Variants in DGKH observed in about 807,000 individuals in gnomAD.
DGKH encodes diacylglycerol kinase eta, also known as DAG kinase eta.
A neutral mutation model predicts 159.3 loss-of-function variants in DGKH; 90 were observed. That is an observed-to-expected ratio of 0.57 (90% CI 0.48 to 0.67). The LOEUF is 0.67. Ranked by LOEUF, DGKH falls within the 30% of genes least tolerant of loss-of-function variation. The pLI, the probability that DGKH is intolerant of heterozygous loss-of-function variation, is 0.00. For missense variants in DGKH, 1,181 were observed against 1,506.1 expected, an observed-to-expected ratio of 0.78 and a Z score of 3.57; for synonymous variants, 536 against 553.8, an observed-to-expected ratio of 0.97 and a Z score of 0.45.
At chr13:42,066,827 A>T (rs1237242161) in intron 1 of DGKH, 2 of 152,102 alleles carry the variant, frequency 1.3e-5, no homozygotes. Flanking sequence ...AAATGTTATG[A>T]TGTGCATTAT....
intron 1 of DGKH, chr13:42,069,739 G>T: frequency 1.8e-6 from 2 of 1,111,808 alleles, no homozygotes; most frequent in Non-Finnish European, 2.6e-6. Context: ...ATCTAAATAT[G>T]ATCATGACCT....
intron 1 of DGKH, among the ~76,000 whole-genome samples, chr13:42,061,219 A>T (rs956361173): frequency 6.6e-6 from 1 of 152,068 alleles, no homozygotes; most frequent in East Asian, 1.9e-4. Flanking sequence ...GCCCCACCCT[A>T]ATCTTCTTAT....
chr13:42,225,183 A>T, intron 29 of DGKH: 2 of 1,167,352 alleles, frequency 1.7e-6, no homozygotes, highest in Non-Finnish European at 2.4e-6. Flanking sequence ...TTGGCCTCCT[A>T]CAATGCTGGG....
At chr13:42,099,036 G>C (rs1013461452) in intron 1 of DGKH, among the ~76,000 whole-genome samples, 2 of 152,314 alleles carry the variant, frequency 1.3e-5, no homozygotes, top group Non-Finnish European at 2.9e-5. Flanking sequence ...TGTGGGCCAG[G>C]ATAGCAAGAG....
At chr13:42,078,909 CTTTTTTTTTT>C (rs55801562) in intron 1 of DGKH, among the ~76,000 whole-genome samples, 1 of 93,576 alleles carries the variant, frequency 1.1e-5, no homozygotes, top group African/African-American at 4.9e-5. Flanking sequence ...GTATATTCTC[CTTTTTTTTTT>C]TTTTTTTTTT....
At chr13:42,159,192 A>G (rs2274287) in intron 5 of DGKH, 74 bp from the exon 6 acceptor site, 97,465 of 771,940 alleles carry the variant, frequency 0.13, 8,898 homozygotes, top group East Asian at 0.43. Flanking sequence ...TTATGCTGTG[A>G]TTTCCTTTAA....
Position 42,225,322 on chromosome 13 carries a change from A to C in DGKH, c.3574-3777A>C. ...TAGGAGAAAAAAGAGACACCAAAGA[A>C]AATGGTAAACATATGGTGAGAGTTT... On this transcript the variant is annotated intron_variant, in intron 29 of 29. Coordinates refer to ENST00000337343, the MANE Select transcript of DGKH (RefSeq NM_178009.5). The C allele has an allele frequency of 1.4e-5, 22 of 1,584,440 alleles. 1 individual carries two copies. Among genetic ancestry groups the C allele is most frequent in the Non-Finnish European group, 1.9e-5 (22 of 1,175,280 alleles).
chr13:42,188,910 A>G, intron 14 of DGKH, 126 bp from the exon 15 acceptor site: 1 of 1,064,126 alleles, frequency 9.4e-7, no homozygotes. Context: ...ATTAAAGGTG[A>G]GAATTTTGGT....
chr13:42,207,015 CTTTCTTTCTT>C lies in DGKH; in HGVS notation c.2601+881_2601+890del, dbSNP rs1326871546. Among the ~76,000 whole-genome samples, 5 of 143,584 alleles carry C rather than the reference CTTTCTTTCTT, an allele frequency of 3.5e-5. No individual in the cohort carries two copies. In the Admixed American group the frequency reaches 3.6e-4, roughly 10 times the overall value. 94.2% of individuals were successfully genotyped at this position (143,584 alleles called of 152,430 possible). On this transcript the variant is annotated intron_variant, in intron 21 of 29. Coordinates refer to ENST00000337343, the MANE Select transcript of DGKH (RefSeq NM_178009.5). ...TCTTTCTTTCTTTCTTTCTTTCTTT[CTTTCTTTCTT>C]TTTCTTTCTTTCTTTCCTTCTTTCC...
rs75413546 is a variant in DGKH, at chr13:42,204,829, T to C, written c.2494-1210T>C. 4.9e-3 allele frequency among the ~76,000 whole-genome samples: 750 copies of C among 152,264 alleles called. 3 individuals are homozygous for C. Among genetic ancestry groups the C allele is most frequent in the African/African-American group, 0.018 (730 of 41,560 alleles). On this transcript the variant is annotated intron_variant, in intron 20 of 29. Coordinates refer to ENST00000337343, the MANE Select transcript of DGKH (RefSeq NM_178009.5). Reference sequence around the variant, plus strand: ...AAAGAAAATATTGGTACTCTTGACATTGAGACCTTTTCCTTCCATCTTTGC... The same window carrying C: ...AAAGAAAATATTGGTACTCTTGACACTGAGACCTTTTCCTTCCATCTTTGC...
At chr13:42,199,159 AATATTTGTCC>A (rs751803015) in intron 18 of DGKH, among the ~76,000 whole-genome samples, 1 of 152,162 alleles carries the variant, frequency 6.6e-6, no homozygotes, top group Non-Finnish European at 1.5e-5. Flanking sequence ...TTGCTCAATA[AATATTTGTCC>A]ATTGTTAAGT....
At chr13:42,195,864 A>C (rs1957192856) in intron 17 of DGKH, 1 of 152,260 alleles carries the variant, frequency 6.6e-6, no homozygotes. Context: ...CTATCGAGAA[A>C]GTGAAATGAC....
chr13:42,223,684 A>C (rs430757), intron 29 of DGKH, among the ~76,000 whole-genome samples: 122,925 of 151,564 alleles, frequency 0.81, 50,167 homozygotes, highest in East Asian at 0.91. Flanking sequence ...TTTCTTGAAT[A>C]CAGAAGGCAG....
In DGKH at chr13:42,042,384, AT is replaced by A. The variant is rs955673751; in HGVS notation, c.-13+2267del. Reference sequence around the variant, plus strand: ...TACTTAACATTTAGAAAATTAGATAATTTTTTTTTCTTCTCAAAAGTGACAA... The same window carrying A: ...TACTTAACATTTAGAAAATTAGATAATTTTTTTTCTTCTCAAAAGTGACAA... On this transcript the variant is annotated intron_variant, in intron 1 of 29. Transcript: ENST00000379274. Among the ~76,000 whole-genome samples, 157 of 151,780 alleles carry A rather than the reference AT, an allele frequency of 1.0e-3. 1 individual carries two copies. The highest frequency in any genetic ancestry group is 3.4e-3 in the African/African-American group (141 of 41,354).
rs59559007 is a variant in DGKH, at chr13:42,097,972, C to A, written c.193-29491C>A. ...ACCCTATATCTGTCTTCTGGTTGTG[C>A]TAAGTCAATTCTCAGCCATCCATCT... On this transcript the variant is annotated intron_variant, in intron 1 of 29. Transcript: ENST00000337343. 4.2e-3 allele frequency among the ~76,000 whole-genome samples: 641 copies of A among 152,270 alleles called. 5 individuals are homozygous for A. Among genetic ancestry groups the A allele is most frequent in the African/African-American group, 0.014 (597 of 41,542 alleles).
At chr13:42,076,240 T>A (rs1304332583) in intron 1 of DGKH, among the ~76,000 whole-genome samples, 4 of 152,238 alleles carry the variant, frequency 2.6e-5, no homozygotes. Context: ...GCAGCCTGTG[T>A]AACAGACTGC....
At chr13:42,107,561 A>G (rs1954783330) in intron 1 of DGKH, among the ~76,000 whole-genome samples, 1 of 152,098 alleles carries the variant, frequency 6.6e-6, no homozygotes, top group African/African-American at 2.4e-5. Flanking sequence ...AGTATGGAGG[A>G]TTAATTAGAC....
intron 1 of DGKH, among the ~76,000 whole-genome samples, chr13:42,109,657 C>T (rs904552613): frequency 3.9e-5 from 3 of 75,992 alleles, no homozygotes; most frequent in Admixed American, 2.8e-4. Flanking sequence ...CGTGCCTGTG[C>T]GTGCGTGTGT....
In DGKH at chr13:42,234,178, G is replaced by A. The variant is rs1312944325; in HGVS notation, c.*4990G>A. ...TTTTCCCAATGAGACTTATTTTCAGGAATCCTTCTCTTAATAACTTTTACA... is the reference window on the plus strand; with the variant it reads ...TTTTCCCAATGAGACTTATTTTCAGAAATCCTTCTCTTAATAACTTTTACA... On this transcript the variant is annotated 3_prime_UTR_variant, in exon 30 of 30. Coordinates refer to ENST00000337343, the MANE Select transcript of DGKH (RefSeq NM_178009.5). 2 of 151,980 alleles carry A rather than the reference G, an allele frequency of 1.3e-5. No homozygotes were observed. Among genetic ancestry groups the A allele is most frequent in the Non-Finnish European group, 2.9e-5 (2 of 67,996 alleles). 9.4% of individuals were successfully genotyped at this position (151,980 alleles called of 1,614,324 possible).
Sources: gnomAD v4.1 joint callset for allele counts (sites outside exome capture counted in the v4.1 genomes callset) on GRCh38, gnomAD v4.1.1 for gene constraint, MANE v1.5 for transcripts, NCBI Gene and HGNC (gene_info 2026-07-23, HGNC 2026-07-21) for gene names.